The following TMEM132B variants were observed in gnomAD, a reference collection of about 807,000 sequenced individuals.
The protein encoded by TMEM132B is transmembrane protein 132B.
TMEM132B carries 18 observed loss-of-function variants against 90.8 expected under a neutral mutation model. The ratio of observed to expected loss-of-function variants is 0.20; its 90% CI spans 0.14 to 0.29. The LOEUF is 0.29. TMEM132B is among the 10% of genes least tolerant of loss of function. The pLI, the probability that TMEM132B is intolerant of heterozygous loss-of-function variation, is 1.00. For missense variants in TMEM132B, 1,096 were observed against 1,326.8 expected, an observed-to-expected ratio of 0.83 and a Z score of 2.70; for synonymous variants, 504 against 523.3, an observed-to-expected ratio of 0.96 and a Z score of 0.50.
At chr12:125,321,563 C>T (rs1407411638) in intron 1 of TMEM132B, among the ~76,000 whole-genome samples, 1 of 151,474 alleles carries the variant, frequency 6.6e-6, no homozygotes, top group African/African-American at 2.4e-5. Flanking sequence ...CTGCAACTTC[C>T]ACCTCCCAGG....
At chr12:125,412,987 CT>C (rs539919138) in intron 2 of TMEM132B, among the ~76,000 whole-genome samples, 288 of 152,142 alleles carry the variant, frequency 1.9e-3, no homozygotes, top group Non-Finnish European at 2.5e-3. Context: ...ATTGCAGTGA[CT>C]TTTTGGGGCG....
At chr12:125,489,735 A>G (rs1485334440) in intron 3 of TMEM132B, among the ~76,000 whole-genome samples, 1 of 152,186 alleles carries the variant, frequency 6.6e-6, no homozygotes, top group Non-Finnish European at 1.5e-5. Flanking sequence ...TTATTATCAC[A>G]TTAGAAGCTG....
chr12:125,285,033 C>T (rs940180122), intron 1 of TMEM132B, among the ~76,000 whole-genome samples: 7 of 152,206 alleles, frequency 4.6e-5, no homozygotes, highest in African/African-American at 7.2e-5. Flanking sequence ...TACCCCACAC[C>T]ATCAGTCAAA....
intron 5 of TMEM132B, among the ~76,000 whole-genome samples, chr12:125,638,700 A>G (rs565606438): frequency 6.6e-6 from 1 of 152,242 alleles, no homozygotes; most frequent in Admixed American, 6.5e-5. Context: ...CAGGGCAGGC[A>G]GGTGGGTCAA....
intron 1 of TMEM132B, among the ~76,000 whole-genome samples, chr12:125,338,294 C>T (rs1056202231): frequency 6.6e-6 from 1 of 152,316 alleles, no homozygotes; most frequent in African/African-American, 2.4e-5. Context: ...GACCAGCTCT[C>T]TTGTCTTCTC....
chr12:125,292,334 C>G (rs1157673846), intron 1 of TMEM132B, among the ~76,000 whole-genome samples: 4 of 152,188 alleles, frequency 2.6e-5, no homozygotes, highest in Non-Finnish European at 5.9e-5. Context: ...AGGTTTTACA[C>G]ACTGGAACAA....
chr12:125,583,275 A>T (rs553575679), intron 4 of TMEM132B, among the ~76,000 whole-genome samples: 6 of 152,300 alleles, frequency 3.9e-5, no homozygotes, highest in Admixed American at 3.9e-4. Context: ...ACATGTCAGC[A>T]TTTAAAAATA....
At chr12:125,290,648 C>T (rs934886211) in intron 1 of TMEM132B, among the ~76,000 whole-genome samples, 3 of 152,196 alleles carry the variant, frequency 2.0e-5, no homozygotes, top group Admixed American at 1.3e-4. Flanking sequence ...GTTTATTTCA[C>T]TGCTGCATAG....
chr12:125,576,196 T>C (rs1367603801), intron 4 of TMEM132B, among the ~76,000 whole-genome samples: 6 of 152,134 alleles, frequency 3.9e-5, no homozygotes, highest in Non-Finnish European at 7.4e-5. Context: ...AACCAACTAC[T>C]TTCATTAAAC....
intron 5 of TMEM132B, among the ~76,000 whole-genome samples, chr12:125,612,392 G>C (rs1885854362): frequency 6.6e-6 from 1 of 151,642 alleles, no homozygotes; most frequent in Non-Finnish European, 1.5e-5. Context: ...GAACCCGGGA[G>C]GTGGAGGTTG....
At chr12:125,590,586 T>C (rs976833) in intron 5 of TMEM132B, among the ~76,000 whole-genome samples, 92,883 of 152,066 alleles carry the variant, frequency 0.61, 29,504 homozygotes, top group Middle Eastern at 0.76. Flanking sequence ...AAATCGTCTT[T>C]TGTTCTCATG....
At chr12:125,542,098 G>A (rs1256953440) in intron 4 of TMEM132B, among the ~76,000 whole-genome samples, 1 of 149,908 alleles carries the variant, frequency 6.7e-6, no homozygotes, top group Admixed American at 6.7e-5. Flanking sequence ...CAAAGGTGGT[G>A]CAAAGCCACT....
intron 1 of TMEM132B, among the ~76,000 whole-genome samples, chr12:125,331,621 G>T (rs890082418): frequency 6.6e-6 from 1 of 152,214 alleles, no homozygotes; most frequent in Admixed American, 6.5e-5. Flanking sequence ...ACCCGGCAGA[G>T]CAGGGGTTAA....
intron 4 of TMEM132B, among the ~76,000 whole-genome samples, chr12:125,568,342 G>A (rs1035983904): frequency 6.6e-6 from 1 of 152,144 alleles, no homozygotes; most frequent in African/African-American, 2.4e-5. Flanking sequence ...ATCACATCAA[G>A]GTAAATGGGG....
chr12:125,327,711 G>A (rs1876629671), intron 1 of TMEM132B, among the ~76,000 whole-genome samples: 1 of 152,116 alleles, frequency 6.6e-6, no homozygotes, highest in Admixed American at 6.5e-5. Context: ...AAGTGTCCAG[G>A]TCACACAGCA....
intron 1 of TMEM132B, among the ~76,000 whole-genome samples, chr12:125,195,161 G>A (rs777020211): frequency 2.0e-5 from 3 of 151,984 alleles, no homozygotes; most frequent in African/African-American, 4.8e-5. Context: ...TGTCTTCTCC[G>A]AGACATTTTT....
intron 2 of TMEM132B, among the ~76,000 whole-genome samples, chr12:125,405,179 G>A (rs780779369): frequency 6.6e-6 from 1 of 152,220 alleles, no homozygotes; most frequent in African/African-American, 2.4e-5. Context: ...CAAGATGTCC[G>A]TAGGGTTGAG....
intron 3 of TMEM132B, among the ~76,000 whole-genome samples, chr12:125,423,758 T>C (rs185460140): frequency 2.6e-5 from 4 of 152,340 alleles, no homozygotes; most frequent in Non-Finnish European, 4.4e-5. Context: ...TTTGAGTATA[T>C]TGGCATTCTA....
intron 5 of TMEM132B, among the ~76,000 whole-genome samples, chr12:125,627,696 A>G (rs956988150): frequency 6.6e-5 from 10 of 152,052 alleles, no homozygotes; most frequent in African/African-American, 2.4e-4. Flanking sequence ...TTATTTTAAA[A>G]TGTACAATTA....
Sources: gnomAD v4.1 joint callset for allele counts (sites outside exome capture counted in the v4.1 genomes callset) on GRCh38, gnomAD v4.1.1 for gene constraint, MANE v1.5 for transcripts, NCBI Gene and HGNC (gene_info 2026-07-23, HGNC 2026-07-21) for gene names.